PFAS: variants seen among roughly 807,000 people sequenced by gnomAD.
PFAS encodes phosphoribosylformylglycinamidine synthase.
Under a neutral mutation model 140.6 loss-of-function variants are expected in PFAS, and 97 were observed. That is an observed-to-expected ratio of 0.69 (90% CI 0.59 to 0.82). The LOEUF (loss-of-function observed/expected upper bound fraction) is 0.82. Ranked by LOEUF, PFAS falls within the 40% of genes least tolerant of loss-of-function variation. The pLI is 0.00. For synonymous variants in PFAS, 679 were observed against 718.8 expected, an observed-to-expected ratio of 0.94 and a Z score of 0.88; for missense variants, 1,656 against 1,780.2, an observed-to-expected ratio of 0.93 and a Z score of 1.26.
Position 8,264,202 on chromosome 17 carries a change from T to G in PFAS, c.1792-10T>G, listed in dbSNP as rs1260395946. 1 of 1,613,840 alleles carries G rather than the reference T, an allele frequency of 6.2e-7. No individual in the cohort carries two copies. Reference sequence around the variant, plus strand: ...TCATCCCCTCTGGGTGGGGTCCCTGTGGTCTATAGATAGTGCTGGTGGACG... The same window carrying G: ...TCATCCCCTCTGGGTGGGGTCCCTGGGGTCTATAGATAGTGCTGGTGGACG... On this transcript the variant is annotated splice_polypyrimidine_tract_variant and intron_variant, in intron 15 of 27. Coordinates refer to ENST00000314666, the MANE Select transcript of PFAS (RefSeq NM_012393.3).
Position 8,267,505 on chromosome 17 carries a change from C to T in PFAS, c.3267+42C>T. The T allele has an allele frequency of 1.9e-6, 3 of 1,595,398 alleles. No homozygotes were observed. The highest frequency in any genetic ancestry group is 2.6e-6 in the Non-Finnish European group (3 of 1,162,846). Reference sequence around the variant, plus strand: ...GCAGCTGGGGGTGATTGTCCAGCCTCAGCTGCGTGTCCTCCCACCCACACT... The same window carrying T: ...GCAGCTGGGGGTGATTGTCCAGCCTTAGCTGCGTGTCCTCCCACCCACACT... On this transcript the variant is annotated intron_variant, in intron 25 of 27. Transcript: ENST00000314666. The surrounding 1 kb of genome is among the most constrained non-coding windows in gnomAD (Gnocchi z 4.9).
At chr17:8,263,311 T>C (rs375563031) in intron 13 of PFAS, 46 bp downstream of exon 13, 9 of 1,605,932 alleles carry the variant, frequency 5.6e-6, no homozygotes, top group Non-Finnish European at 4.3e-6. Context: ...CCTGGTATCC[T>C]GCCAGGTTTC....
rs1167076014 is a variant in PFAS at position 8,267,892 on chromosome 17, A to T, written c.3382+227A>T. On this transcript the variant is annotated intron_variant, in intron 26 of 27. Transcript: ENST00000314666. The surrounding 1 kb of genome is among the most constrained non-coding windows in gnomAD (Gnocchi z 4.9). ...TATGTAATTAAAATATATATTATTA[A>T]ATATATATTATTTATATATATTATT... Among the ~76,000 whole-genome samples the T allele has an allele frequency of 6.9e-6, 1 of 144,928 alleles. No homozygotes were observed. Among genetic ancestry groups the T allele is most frequent in the Non-Finnish European group, 1.5e-5 (1 of 66,366 alleles).
chr17:8,266,211 G>A lies in PFAS; in HGVS notation c.2702-23G>A. 6.2e-7 allele frequency: 1 copy of A among 1,613,164 alleles called. No homozygotes were observed. Among genetic ancestry groups the A allele is most frequent in the South Asian group, 1.1e-5 (1 of 90,966 alleles). ...GTCAGGTTTGGGTCCCGAGGTTGCT[G>A]AGCTTTCTTCTCCTTCCTCCAGACC... On this transcript the variant is annotated intron_variant, in intron 21 of 27. Transcript: ENST00000314666. The surrounding 1 kb of genome is among the most constrained non-coding windows in gnomAD (Gnocchi z 5.0).
chr17:8,261,528 C>T (rs760111597), intron 11 of PFAS, among the ~76,000 whole-genome samples: 48 of 152,212 alleles, frequency 3.2e-4, no homozygotes, highest in Non-Finnish European at 5.3e-4. Flanking sequence ...CGTGAGCCAC[C>T]GCACCTGGCC....
Position 8,269,444 on chromosome 17 carries a change from G to A in PFAS, c.*180G>A. The A allele has an allele frequency of 1.7e-6, 1 of 584,090 alleles. No individual in the cohort carries two copies. Among genetic ancestry groups the A allele is most frequent in the Non-Finnish European group, 3.1e-6 (1 of 327,864 alleles). 36.2% of individuals were successfully genotyped at this position (584,090 alleles called of 1,614,324 possible). ...GCCTGCTGATGTTCCTTCTGTGGCT[G>A]TGTCTATTTTCAGTTCTGCTCTAAC... On this transcript the variant is annotated 3_prime_UTR_variant, in exon 28 of 28. Coordinates refer to ENST00000314666, the MANE Select transcript of PFAS (RefSeq NM_012393.3).
chr17:8,260,925 A>G (rs866193961), intron 11 of PFAS, among the ~76,000 whole-genome samples: 16 of 152,130 alleles, frequency 1.1e-4, no homozygotes, highest in African/African-American at 3.6e-4. Context: ...CGCCCGGCCT[A>G]TGTACAAGTT....
Position 8,256,550 on chromosome 17 carries a change from T to G in PFAS, c.848T>G (p.Phe283Cys). The change falls in exon 8 of 28, where the codon TTC becomes TGC. Residue 283 changes from phenylalanine (F) to cysteine (C), a missense_variant. By Grantham distance (205) the Phe-to-Cys change is radical. Coordinates refer to ENST00000314666, the MANE Select transcript of PFAS (RefSeq NM_012393.3). ...GCAATCCAGGGAAAGGAAGTCCGAT[T>G]CCTACGGCCTGAGGACCCCACACGG... ...SSAIQGKEVR[F>C]LRPEDPTRPS... is the part of the protein sequence containing the mutation. 1 of 1,614,120 alleles carries G rather than the reference T, an allele frequency of 6.2e-7. No individual in the cohort carries two copies. The highest frequency in any genetic ancestry group is 8.5e-7 in the Non-Finnish European group (1 of 1,180,036).
rs1989804756 is a variant in PFAS at position 8,266,165 on chromosome 17, T to G, written c.2702-69T>G. ...TGACACACACTCTTGATGGACTGAC[T>G]CCGGAAGGTGGGGTGGGGCTGTCAG... On this transcript the variant is annotated intron_variant, in intron 21 of 27. Transcript: ENST00000314666. This position sits in a 1 kb window ranked among gnomAD's most constrained non-coding sequence, Gnocchi z 5.0. 1 of 1,597,742 alleles carries G rather than the reference T, an allele frequency of 6.3e-7. No individual in the cohort carries two copies. Among genetic ancestry groups the G allele is most frequent in the Admixed American group, 1.7e-5 (1 of 58,990 alleles).
Position 8,257,865 on chromosome 17 carries a change from C to G in PFAS, c.1134C>G (p.Pro378=), listed in dbSNP as rs926473157. 1 of 1,613,984 alleles carries G rather than the reference C, an allele frequency of 6.2e-7. No individual in the cohort carries two copies. The highest frequency in any genetic ancestry group is 1.3e-5 in the African/African-American group (1 of 74,910). Residue 378 remains proline, a synonymous_variant, in exon 10 of 28, where the codon CCC becomes CCG. Transcript: ENST00000314666. ...SFQYPGNFAR[P]LEVAIEASNG... The stretch of plus-strand genomic sequence containing the variant: ...AGTATCCTGGGAATTTTGCCCGGCC[C>G]CTGGAGGTTGCCATTGAAGCCAGTA...
In PFAS at chr17:8,255,871, C is replaced by T. The variant is rs369947140; in HGVS notation, c.641C>T (p.Pro214Leu). 73 of 1,614,042 alleles carry T rather than the reference C, an allele frequency of 4.5e-5. No individual in the cohort carries two copies. The Admixed American group carries it at 6.7e-4, about 15-fold the overall frequency. ...TKRFQELQRN[P>L]STVEAFDLAQ... ...CGCTTCCAGGAGCTACAGCGGAACC[C>T]GAGCACTGTGGAGGCCTTTGACTTG... is the stretch of plus-strand genomic sequence containing the variant. Residue 214 changes from proline to leucine, a missense_variant, in exon 6 of 28, where the codon CCG becomes CTG. Transcript: ENST00000314666.
chr17:8,267,219 C>T lies in PFAS; in HGVS notation c.3159C>T (p.Ser1053=), dbSNP rs368592464. The T allele has an allele frequency of 1.3e-5, 21 of 1,607,906 alleles. No individual in the cohort carries two copies. The Middle Eastern group carries it at 4.9e-4, about 38-fold the overall frequency. ...TGCCCCCCACCTTTCCCAAAGCCTC[C>T]GTGCCCCGTGAGCCTGGTGAGGGAG... ...YCLPPTFPKA[S]VPREPGGPSP... The change falls in exon 24 of 28, where the codon TCC becomes TCT. Residue 1053 remains serine (S), a synonymous_variant. Transcript: ENST00000314666. The surrounding 1 kb of genome is among the most constrained non-coding windows in gnomAD (Gnocchi z 4.9).
In PFAS at chr17:8,266,022, G is replaced by GT; in HGVS notation, c.2701+6dup. On this transcript the variant is annotated splice_donor_region_variant and intron_variant, in intron 21 of 27. Coordinates refer to ENST00000314666, the MANE Select transcript of PFAS (RefSeq NM_012393.3). The surrounding 1 kb of genome is among the most constrained non-coding windows in gnomAD (Gnocchi z 5.0). ...TCACTCAGGGGCTGCTGAAAGGTGA[G>GT]TGAAGACCCCTGGGGAGATAGCGCA... 6.2e-7 allele frequency: 1 copy of GT among 1,601,670 alleles called. No homozygotes were observed.
At position 8,256,951 on chromosome 17, in the gene PFAS, C is replaced by A. The variant is rs752726322; in HGVS notation, c.1063C>A (p.Leu355Met). 3 of 1,614,200 alleles carry A rather than the reference C, an allele frequency of 1.9e-6. No individual in the cohort carries two copies. Among genetic ancestry groups the A allele is most frequent in the Non-Finnish European group, 2.5e-6 (3 of 1,180,026 alleles). Residue 355 changes from leucine to methionine, a missense_variant, in exon 9 of 28, where the codon CTG becomes ATG. Physicochemically the swap from Leu to Met is conservative, Grantham distance 15. Coordinates refer to ENST00000314666, the MANE Select transcript of PFAS (RefSeq NM_012393.3). Reference sequence around the variant, plus strand: ...CACTGCCGGCTATTGCTTTGGAAATCTGCATATTCCAGGTTCCATCTCCTT... The same window carrying A: ...CACTGCCGGCTATTGCTTTGGAAATATGCATATTCCAGGTTCCATCTCCTT... ...AGTAGYCFGN[L>M]HIPGYNLPWE...
intron 13 of PFAS, 87 bp from the exon 14 acceptor site, chr17:8,263,488 A>C: frequency 8.2e-7 from 1 of 1,220,604 alleles, no homozygotes; most frequent in Non-Finnish European, 1.2e-6. Flanking sequence ...AACACACCAA[A>C]TTACAGGCCC....
upstream of PFAS, among the ~76,000 whole-genome samples, chr17:8,248,775 T>C (rs1988994206): frequency 6.6e-6 from 1 of 152,006 alleles, no homozygotes; most frequent in Non-Finnish European, 1.5e-5. Context: ...CCCAGACTGG[T>C]CTCGAACTCC....
At chr17:8,257,484 A>T (rs1989419428) in intron 9 of PFAS, among the ~76,000 whole-genome samples, 1 of 152,004 alleles carries the variant, frequency 6.6e-6, no homozygotes, top group Non-Finnish European at 1.5e-5. Context: ...TGAACCCGGG[A>T]GGCGGAGCTT....
intron 11 of PFAS, among the ~76,000 whole-genome samples, chr17:8,260,494 T>C (rs1989548361): frequency 6.6e-6 from 1 of 152,256 alleles, no homozygotes; most frequent in Non-Finnish European, 1.5e-5. Context: ...GGCTGAATAA[T>C]ATCCCATTAT....
chr17:8,263,769 G>T lies in PFAS; in HGVS notation c.1630-6G>T, dbSNP rs768664537. 3.1e-6 allele frequency: 5 copies of T among 1,612,442 alleles called. No individual in the cohort carries two copies. The African/African-American group carries it at 6.7e-5, about 21-fold the overall frequency. ...CTTCTCTTTCCTCCCCGCCGTGGCT[G>T]TGCAGCTTGGGGACCCAACCCTGAA... is the stretch of plus-strand genomic sequence containing the variant. On this transcript the variant is annotated splice_region_variant and splice_polypyrimidine_tract_variant and intron_variant, in intron 14 of 27. Transcript: ENST00000314666.
Sources: gnomAD v4.1 joint callset for allele counts (sites outside exome capture counted in the v4.1 genomes callset) on GRCh38, gnomAD v4.1.1 for gene constraint, Gnocchi (gnomAD v3.1) non-coding constraint, MANE v1.5 for transcripts, NCBI Gene and HGNC (gene_info 2026-07-23, HGNC 2026-07-21) for gene names.